DDX60: variants seen among roughly 807,000 people sequenced by gnomAD.
DDX60 encodes the protein DExD/H-box helicase 60.
DDX60 carries 165 observed loss-of-function variants against 212.8 expected under a neutral mutation model. The ratio of observed to expected loss-of-function variants is 0.78; its 90% CI spans 0.68 to 0.88. DDX60 has a LOEUF of 0.88. Ranked by LOEUF, DDX60 falls within the 40% of genes least tolerant of loss-of-function variation. The pLI, the probability that DDX60 is intolerant of heterozygous loss-of-function variation, is 0.00. For missense variants in DDX60, 1,905 were observed against 2,003.9 expected, an observed-to-expected ratio of 0.95 and a Z score of 0.94; for synonymous variants, 703 against 685.3, an observed-to-expected ratio of 1.03 and a Z score of -0.40.
At chr4:168,325,743 T>G in the DDX60 span, among the ~76,000 whole-genome samples, 1 of 152,242 alleles carries the variant, frequency 6.6e-6, no homozygotes, top group Non-Finnish European at 1.5e-5. Flanking sequence ...GTGAACAAAC[T>G]GCTTGGCCAA....
Position 168,284,927 on chromosome 4 carries a change from G to C in DDX60, c.1454C>G (p.Pro485Arg). Residue 485 changes from proline to arginine, a missense_variant, in exon 12 of 38, where the codon CCT becomes CGT. Coordinates refer to ENST00000393743, the MANE Select transcript of DDX60 (RefSeq NM_017631.6). The stretch of plus-strand genomic sequence containing the variant: ...TTGTTTAACCAGTGAAGTAACAATA[G>C]GATCATCACTGTGAGACAAAAAAAG... ...KDLPFLKSDD[P>R]IVTSLVKQKE... 1.3e-6 allele frequency: 2 copies of C among 1,558,600 alleles called. No homozygotes were observed. Among genetic ancestry groups the C allele is most frequent in the Non-Finnish European group, 1.8e-6 (2 of 1,142,144 alleles).
chr4:168,309,084 T>C (rs888697261), intron 3 of DDX60, among the ~76,000 whole-genome samples: 2 of 152,210 alleles, frequency 1.3e-5, no homozygotes, highest in African/African-American at 4.8e-5. Context: ...AAATTAACTC[T>C]AGTACATACT....
chr4:168,282,211 C>G (rs1051871814), intron 13 of DDX60, among the ~76,000 whole-genome samples: 1 of 152,294 alleles, frequency 6.6e-6, no homozygotes, highest in South Asian at 2.1e-4. Context: ...ACTGCTTAAA[C>G]TTTTGAAGCA....
In DDX60 at chr4:168,262,719, G is replaced by C; in HGVS notation, c.3108C>G (p.Ala1036=). Residue 1036 remains alanine (A), a synonymous_variant, in exon 23 of 38, where the codon GCC becomes GCG. Coordinates refer to ENST00000393743, the MANE Select transcript of DDX60 (RefSeq NM_017631.6). ...GCCAACTTTTCCAAATTTGAAACATGGCATCATACAGCTGGATGCTTTCTC... is the reference window on the plus strand; with the variant it reads ...GCCAACTTTTCCAAATTTGAAACATCGCATCATACAGCTGGATGCTTTCTC... The part of the protein sequence containing the change: ...SPRESIQLYD[A]MFQIWKSWPR... 1 of 1,612,144 alleles carries C rather than the reference G, an allele frequency of 6.2e-7. No homozygotes were observed. Among genetic ancestry groups the C allele is most frequent in the Non-Finnish European group, 8.5e-7 (1 of 1,178,980 alleles).
chr4:168,217,618 G>A (rs1732895159), intron 37 of DDX60, among the ~76,000 whole-genome samples: 1 of 149,726 alleles, frequency 6.7e-6, no homozygotes, highest in South Asian at 2.1e-4. Flanking sequence ...CGAATCAGCT[G>A]ACCTTGAGAT....
chr4:168,269,073 C>A, intron 19 of DDX60, 104 bp from the exon 20 acceptor site: 1 of 559,280 alleles, frequency 1.8e-6, no homozygotes, highest in Non-Finnish European at 3.2e-6. Context: ...GCCTTCCCAT[C>A]GCCTTTAAGT....
At chr4:168,225,438 T>C in intron 34 of DDX60, 91 bp downstream of exon 34, 1 of 1,327,878 alleles carries the variant, frequency 7.5e-7, no homozygotes, top group Non-Finnish European at 1.0e-6. Flanking sequence ...ATAAACTTTC[T>C]GGGGTTCCAC....
In DDX60 at chr4:168,293,888, G is replaced by T. The variant is rs182867714; in HGVS notation, c.781C>A (p.Arg261Ser). The T allele has an allele frequency of 6.2e-7, 1 of 1,613,934 alleles. No homozygotes were observed. Among genetic ancestry groups the T allele is most frequent in the East Asian group, 2.2e-5 (1 of 44,856 alleles). Residue 261 changes from arginine (R) to serine (S), a missense_variant, in exon 7 of 38, where the codon CGT (arginine) becomes AGT (serine). Transcript: ENST00000393743. ...GAGCATGAAGTAACACAAAAGACAC[G>T]CCGAATGTCAGATCCTTCTGGCCAG... is the stretch of plus-strand genomic sequence containing the variant. ...QVWPEGSDIR[R>S]VFCVTSCSLS...
At chr4:168,265,752 T>A (rs1380331343) in intron 22 of DDX60, 1 of 150,882 alleles carries the variant, frequency 6.6e-6, no homozygotes, top group African/African-American at 2.4e-5. Context: ...ATACTGTTTT[T>A]AAAATGCCAC....
chr4:168,294,087 A>G, intron 6 of DDX60, 142 bp from the exon 7 acceptor site: 2 of 671,334 alleles, frequency 3.0e-6, no homozygotes, highest in Non-Finnish European at 4.6e-6. Flanking sequence ...ACACAAGTTT[A>G]CCTCCATAAA....
At chr4:168,294,090 TC>T in intron 6 of DDX60, 145 bp from the exon 7 acceptor site, 1 of 660,904 alleles carries the variant, frequency 1.5e-6, no homozygotes, top group Non-Finnish European at 2.3e-6. Flanking sequence ...CAAGTTTACC[TC>T]CATAAAAAAC....
At chr4:168,283,385 A>T (rs1169920311) in intron 13 of DDX60, 61 bp downstream of exon 13, 1 of 1,468,568 alleles carries the variant, frequency 6.8e-7, no homozygotes, top group Non-Finnish European at 9.4e-7. Context: ...GGGATAACAC[A>T]TATCAACCTG....
At position 168,269,099 on chromosome 4, in the gene DDX60, A is replaced by G. The variant is rs372893735; in HGVS notation, c.2671-130T>C. ...GCCTTTAAGTGACCATGCCAAGTTT[A>G]AAGAAATATTAAAAATCCTCACAAC... On this transcript the variant is annotated intron_variant, in intron 19 of 37. Transcript: ENST00000393743. 22 of 511,960 alleles carry G rather than the reference A, an allele frequency of 4.3e-5. No homozygotes were observed. In the Middle Eastern group the frequency reaches 2.0e-3, roughly 45 times the overall value. 31.7% of individuals were successfully genotyped at this position (511,960 alleles called of 1,614,324 possible).
Position 168,287,119 on chromosome 4 carries a change from T to G in DDX60, c.1268A>C (p.Glu423Ala), listed in dbSNP as rs759411598. The change falls in exon 10 of 38, where the codon GAG becomes GCG. Residue 423 changes from glutamate to alanine, a missense_variant. Coordinates refer to ENST00000393743, the MANE Select transcript of DDX60 (RefSeq NM_017631.6). ...NTVSKLVRDF[E>A]VGQPFPLRTT... ...TCTCAGAGGAAATGGCTGTCCAACC[T>G]CAAAGTCTCTGACCAACTTTGATAC... 6 of 1,612,772 alleles carry G rather than the reference T, an allele frequency of 3.7e-6. No homozygotes were observed. The highest frequency in any genetic ancestry group is 5.1e-6 in the Non-Finnish European group (6 of 1,179,510).
In DDX60 at chr4:168,246,563, A is replaced by G. The variant is rs1448005511; in HGVS notation, c.4019T>C (p.Phe1340Ser). Residue 1340 changes from phenylalanine to serine, a missense_variant, in exon 30 of 38, where the codon TTT becomes TCT. Coordinates refer to ENST00000393743, the MANE Select transcript of DDX60 (RefSeq NM_017631.6). Reference sequence around the variant, plus strand: ...TCCTATTTTGGGGAATGGAATATCAAAGAAATATACATCTCCCATCAGGTC... The same window carrying G: ...TCCTATTTTGGGGAATGGAATATCAGAGAAATATACATCTCCCATCAGGTC... ...GQDLMGDVYF[F>S]DIPFPKIGKL... 1.2e-6 allele frequency: 2 copies of G among 1,614,130 alleles called. No homozygotes were observed. The highest frequency in any genetic ancestry group is 8.5e-7 in the Non-Finnish European group (1 of 1,179,998).
At chr4:168,315,158 C>T (rs1737308624) in intron 1 of DDX60, among the ~76,000 whole-genome samples, 1 of 152,162 alleles carries the variant, frequency 6.6e-6, no homozygotes, top group Non-Finnish European at 1.5e-5. Flanking sequence ...AATAATATTA[C>T]TCACCTCTGA....
intron 22 of DDX60, chr4:168,265,633 C>A (rs1331848146): frequency 6.6e-6 from 1 of 152,252 alleles, no homozygotes; most frequent in East Asian, 1.9e-4. Flanking sequence ...AGAGGAAAGG[C>A]ACTTGGACCA....
At chr4:168,252,045 G>A (rs1452343704) in intron 27 of DDX60, among the ~76,000 whole-genome samples, 1 of 152,190 alleles carries the variant, frequency 6.6e-6, no homozygotes, top group Non-Finnish European at 1.5e-5. Flanking sequence ...AAAAGCCCCT[G>A]ATTTTGAGAA....
intron 14 of DDX60, among the ~76,000 whole-genome samples, chr4:168,277,665 C>T (rs368791682): frequency 2.6e-5 from 4 of 151,694 alleles, no homozygotes; most frequent in Non-Finnish European, 2.9e-5. Context: ...GTGAATTAGC[C>T]GGATGCGGTG....
Sources: gnomAD v4.1 joint callset for allele counts (sites outside exome capture counted in the v4.1 genomes callset) on GRCh38, gnomAD v4.1.1 for gene constraint, MANE v1.5 for transcripts, NCBI Gene and HGNC (gene_info 2026-07-23, HGNC 2026-07-21) for gene names.